Variants in KCNQ3 observed in about 807,000 individuals in gnomAD.
KCNQ3 encodes the protein potassium voltage-gated channel subfamily Q member 3.
KCNQ3 carries 30 observed loss-of-function variants against 92.5 expected under a neutral mutation model. That is an observed-to-expected ratio of 0.32 (90% CI 0.24 to 0.44). The LOEUF (loss-of-function observed/expected upper bound fraction) is 0.44, where lower values mean the gene tolerates loss of function less well. Ranked by LOEUF, KCNQ3 falls within the 20% of genes least tolerant of loss-of-function variation. The pLI, the probability that KCNQ3 is intolerant of heterozygous loss-of-function variation, is 1.00. For synonymous variants in KCNQ3, 450 were observed against 468.8 expected (o/e 0.96, Z 0.52); for missense variants, 913 against 1,140.3 (o/e 0.80, Z 2.87).
intron 2 of KCNQ3, among the ~76,000 whole-genome samples, chr8:132,185,133 C>T (rs956476997): frequency 2.0e-5 from 3 of 152,198 alleles, no homozygotes; most frequent in Admixed American, 1.3e-4. Flanking sequence ...TGGATGGTTT[C>T]CAGGGAGTTC....
intron 1 of KCNQ3, among the ~76,000 whole-genome samples, chr8:132,256,841 G>C (rs1294138650): frequency 1.3e-5 from 2 of 152,176 alleles, no homozygotes; most frequent in Admixed American, 6.5e-5. Context: ...GCTGCTTGCA[G>C]ACCTTCACTA....
intron 1 of KCNQ3, among the ~76,000 whole-genome samples, chr8:132,286,730 G>A (rs552126577): frequency 6.6e-6 from 1 of 152,330 alleles, no homozygotes; most frequent in Admixed American, 6.5e-5. Flanking sequence ...CAAAACTTAT[G>A]TTGAAATTTA....
chr8:132,152,612 A>G (rs1287048622), intron 9 of KCNQ3, among the ~76,000 whole-genome samples: 1 of 151,946 alleles, frequency 6.6e-6, no homozygotes, highest in Non-Finnish European at 1.5e-5. Flanking sequence ...TGACTTGCAG[A>G]GCCAATACAA....
At chr8:132,429,373 A>G (rs1422254320) in intron 1 of KCNQ3, among the ~76,000 whole-genome samples, 1 of 152,206 alleles carries the variant, frequency 6.6e-6, no homozygotes, top group Non-Finnish European at 1.5e-5. Flanking sequence ...TGATAAAACT[A>G]AGACAGAAAA....
Position 132,134,274 on chromosome 8 carries a change from T to C in KCNQ3, c.1799+16A>G, listed in dbSNP as rs1824990597. ...TTTGCACCCCTGGCCCATCAGTCCATGTCCACTGGCCCCACCTGGGAGATT... is the reference window on the plus strand; with the variant it reads ...TTTGCACCCCTGGCCCATCAGTCCACGTCCACTGGCCCCACCTGGGAGATT... On this transcript the variant is annotated intron_variant, in intron 13 of 14. Transcript: ENST00000388996. 4 of 1,599,444 alleles carry C rather than the reference T, an allele frequency of 2.5e-6. No homozygotes were observed. Among genetic ancestry groups the C allele is most frequent in the South Asian group, 2.2e-5 (2 of 90,776 alleles).
chr8:132,187,494 T>A (rs1404925983), intron 1 of KCNQ3, among the ~76,000 whole-genome samples: 6 of 152,238 alleles, frequency 3.9e-5, no homozygotes, highest in Non-Finnish European at 8.8e-5. Context: ...GTGTCTCCAA[T>A]CATGCCCAGG....
Position 132,205,250 on chromosome 8 carries a change from C to T in KCNQ3, c.387-19069G>A, listed in dbSNP as rs191298143. ...ACCAAGAGAGAAGCTTACTTCTCTT[C>T]ATTGTAGGAATCTGCATGATCTTCT... On this transcript the variant is annotated intron_variant, in intron 1 of 14. Coordinates refer to ENST00000388996, the MANE Select transcript of KCNQ3 (RefSeq NM_004519.4). Among the ~76,000 whole-genome samples, 5 of 152,336 alleles carry T rather than the reference C, an allele frequency of 3.3e-5. No homozygotes were observed. In the East Asian group the frequency reaches 9.6e-4, roughly 29 times the overall value.
intron 1 of KCNQ3, among the ~76,000 whole-genome samples, chr8:132,227,073 T>A (rs1814450361): frequency 6.6e-6 from 1 of 150,876 alleles, no homozygotes; most frequent in Non-Finnish European, 1.5e-5. Flanking sequence ...TTTTTTTTTT[T>A]TTTTTTTAGA....
intron 9 of KCNQ3, among the ~76,000 whole-genome samples, chr8:132,161,299 G>A (rs750362488): frequency 2.6e-5 from 4 of 152,144 alleles, no homozygotes; most frequent in Non-Finnish European, 4.4e-5. Flanking sequence ...AGAAGGAGGC[G>A]ATAAGATAAA....
chr8:132,236,991 A>G (rs572506054), intron 1 of KCNQ3, among the ~76,000 whole-genome samples: 1 of 152,308 alleles, frequency 6.6e-6, no homozygotes, highest in African/African-American at 2.4e-5. Context: ...AACCTGAATG[A>G]ACTCGGAAGA....
At chr8:132,407,254 T>C (rs1820509901) in intron 1 of KCNQ3, among the ~76,000 whole-genome samples, 1 of 152,164 alleles carries the variant, frequency 6.6e-6, no homozygotes. Flanking sequence ...CTGCCTCGAA[T>C]GGACCCACGA....
chr8:132,201,652 C>G (rs548444583), intron 1 of KCNQ3, among the ~76,000 whole-genome samples: 3 of 152,180 alleles, frequency 2.0e-5, no homozygotes, highest in African/African-American at 4.8e-5. Flanking sequence ...CCTCCATATG[C>G]CGCCTCCTGG....
chr8:132,310,775 A>G (rs1051683742), intron 1 of KCNQ3, among the ~76,000 whole-genome samples: 38 of 152,216 alleles, frequency 2.5e-4, no homozygotes, highest in African/African-American at 9.2e-4. Flanking sequence ...AAAAGGGTTA[A>G]AAGAGAATTT....
At chr8:132,453,711 C>T (rs543024063) in intron 1 of KCNQ3, among the ~76,000 whole-genome samples, 2 of 152,124 alleles carry the variant, frequency 1.3e-5, no homozygotes, top group East Asian at 1.9e-4. Flanking sequence ...AAACATTGAC[C>T]GACTTAAAAC....
intron 1 of KCNQ3, among the ~76,000 whole-genome samples, chr8:132,291,248 T>A (rs1816826587): frequency 6.6e-6 from 1 of 152,208 alleles, no homozygotes; most frequent in East Asian, 1.9e-4. Context: ...TTAATTTCCT[T>A]GCCTTCCTCA....
chr8:132,241,009 C>T (rs1400717033), intron 1 of KCNQ3, among the ~76,000 whole-genome samples: 1 of 151,544 alleles, frequency 6.6e-6, no homozygotes, highest in Non-Finnish European at 1.5e-5. Flanking sequence ...CTGCCTCAGC[C>T]TCCTGGGTAG....
At chr8:132,131,369 A>G (rs1346451967) in intron 14 of KCNQ3, among the ~76,000 whole-genome samples, 1 of 152,172 alleles carries the variant, frequency 6.6e-6, no homozygotes, top group Non-Finnish European at 1.5e-5. Context: ...TGAAAGCAAG[A>G]GTGAGCTGCA....
In KCNQ3 at chr8:132,439,633, G is replaced by A. The variant is rs146302363; in HGVS notation, c.386+40514C>T. The stretch of plus-strand genomic sequence containing the variant: ...AGGTTCCTTTCCAGCAGAGGAGGGG[G>A]CAGAGAGGAGTCAGAGTGAGAGAGA... On this transcript the variant is annotated intron_variant, in intron 1 of 14. Coordinates refer to ENST00000388996, the MANE Select transcript of KCNQ3 (RefSeq NM_004519.4). Among the ~76,000 whole-genome samples the A allele has an allele frequency of 1.0e-2, 1,521 of 152,144 alleles. 16 individuals carry two copies. The highest frequency in any genetic ancestry group is 0.041 in the Middle Eastern group (12 of 294).
At chr8:132,453,074 T>C (rs1345993001) in intron 1 of KCNQ3, among the ~76,000 whole-genome samples, 2 of 151,482 alleles carry the variant, frequency 1.3e-5, no homozygotes, top group Non-Finnish European at 2.9e-5. Context: ...TTCATGGGAG[T>C]TAAGGGTGCG....
Sources: gnomAD v4.1 joint callset for allele counts (sites outside exome capture counted in the v4.1 genomes callset) on GRCh38, gnomAD v4.1.1 for gene constraint, MANE v1.5 for transcripts, NCBI Gene and HGNC (gene_info 2026-07-23, HGNC 2026-07-21) for gene names.